The following PCCA variants were observed in gnomAD, a reference collection of about 807,000 sequenced individuals.
PCCA encodes propionyl-CoA carboxylase subunit alpha, also known as propionyl-CoA carboxylase alpha chain, mitochondrial.
PCCA carries 74 observed loss-of-function variants against 101.3 expected under a neutral mutation model. The observed-to-expected ratio is 0.73, with a 90% confidence interval of 0.61 to 0.89. PCCA has a LOEUF of 0.89. Among genes scored for constraint, PCCA ranks in the 40% least tolerant of loss-of-function variants. The pLI is 0.00. For synonymous variants in PCCA, 294 were observed against 313.6 expected (o/e 0.94, Z 0.66); for missense variants, 891 against 907.0 (o/e 0.98, Z 0.23).
chr13:100,513,087 G>C (rs1206303102), intron 21 of PCCA, among the ~76,000 whole-genome samples: 1 of 152,268 alleles, frequency 6.6e-6, no homozygotes, highest in African/African-American at 2.4e-5. Flanking sequence ...GCTGCACCCT[G>C]CTTGGGCCCC....
intron 6 of PCCA, among the ~76,000 whole-genome samples, chr13:100,188,999 G>A (rs1222862715): frequency 6.6e-6 from 1 of 151,968 alleles, no homozygotes; most frequent in Non-Finnish European, 1.5e-5. Flanking sequence ...CAACCCGTCA[G>A]CTACATTAGG....
chr13:100,453,097 C>T (rs2081450456), intron 21 of PCCA, among the ~76,000 whole-genome samples: 1 of 151,982 alleles, frequency 6.6e-6, no homozygotes, highest in Non-Finnish European at 1.5e-5. Flanking sequence ...CCAGGAACAT[C>T]ACTTGAGCCC....
chr13:100,431,585 A>G (rs2152902222), intron 20 of PCCA, among the ~76,000 whole-genome samples: 1 of 152,308 alleles, frequency 6.6e-6, no homozygotes, highest in African/African-American at 2.4e-5. Context: ...TGATTTTTGT[A>G]CACGGTATGA....
intron 20 of PCCA, 34 bp downstream of exon 20, chr13:100,425,765 C>G (rs2079099537): frequency 1.4e-6 from 2 of 1,391,676 alleles, no homozygotes; most frequent in Non-Finnish European, 2.0e-6. Context: ...AGAGGGCCTC[C>G]TCAAGTCCAG....
At position 100,240,800 on chromosome 13, in the gene PCCA, C is replaced by T. The variant is rs558487308; in HGVS notation, c.637+4922C>T. ...AGTAAATTGCACAACCAGTATATGT[C>T]CCATTAAATACTTCAACATGTGTTA... On this transcript the variant is annotated intron_variant, in intron 8 of 23. Transcript: ENST00000376285. 2.6e-5 allele frequency among the ~76,000 whole-genome samples: 4 copies of T among 152,164 alleles called. No homozygotes were observed. In the South Asian group the frequency reaches 8.3e-4, roughly 32 times the overall value.
intron 21 of PCCA, among the ~76,000 whole-genome samples, chr13:100,450,737 T>C (rs1054003740): frequency 6.6e-6 from 1 of 152,224 alleles, no homozygotes; most frequent in African/African-American, 2.4e-5. Context: ...ATATATAATT[T>C]ATGTATATAA....
intron 20 of PCCA, among the ~76,000 whole-genome samples, chr13:100,430,897 G>A (rs1419840610): frequency 6.6e-6 from 1 of 152,090 alleles, no homozygotes; most frequent in Non-Finnish European, 1.5e-5. Context: ...TATTATGCCC[G>A]GCACTGACTG....
chr13:100,456,124 C>T (rs79654047), intron 21 of PCCA, among the ~76,000 whole-genome samples: 16,016 of 152,172 alleles, frequency 0.11, 1,425 homozygotes, highest in African/African-American at 0.24. Context: ...ATTGTTGTTT[C>T]AATTTGCTTT....
At chr13:100,175,276 T>C (rs556384932) in intron 6 of PCCA, among the ~76,000 whole-genome samples, 16 of 152,302 alleles carry the variant, frequency 1.1e-4, no homozygotes, top group African/African-American at 3.1e-4. Flanking sequence ...GATTTTTTTT[T>C]CCCCCAAACC....
intron 6 of PCCA, among the ~76,000 whole-genome samples, chr13:100,171,569 C>T (rs1385101038): frequency 6.6e-6 from 1 of 152,310 alleles, no homozygotes; most frequent in East Asian, 1.9e-4. Context: ...ATTCCTGTTG[C>T]TTACCACTTT....
intron 19 of PCCA, among the ~76,000 whole-genome samples, chr13:100,390,910 C>CT (rs562444985): frequency 7.4e-4 from 112 of 152,172 alleles, no homozygotes; most frequent in Non-Finnish European, 1.3e-3. Context: ...AGGGGATTGA[C>CT]TTTTTAAAGG....
intron 21 of PCCA, among the ~76,000 whole-genome samples, chr13:100,503,927 TC>T (rs1462996655): frequency 6.6e-6 from 1 of 152,188 alleles, no homozygotes; most frequent in Non-Finnish European, 1.5e-5. Flanking sequence ...CTTCAGTGTT[TC>T]ATTTTACCCA....
At chr13:100,189,369 C>T (rs1271275024) in intron 6 of PCCA, among the ~76,000 whole-genome samples, 4 of 152,098 alleles carry the variant, frequency 2.6e-5, no homozygotes, top group Admixed American at 6.6e-5. Flanking sequence ...GTGTGTTTAT[C>T]GTAGAACGAT....
intron 8 of PCCA, among the ~76,000 whole-genome samples, chr13:100,240,820 G>A (rs892577196): frequency 6.6e-6 from 1 of 151,998 alleles, no homozygotes; most frequent in African/African-American, 2.4e-5. Flanking sequence ...ACTTCAACAT[G>A]TGTTATTAAT....
At position 100,425,677 on chromosome 13, in the gene PCCA, C is replaced by T. The variant is rs2079093623; in HGVS notation, c.1791C>T (p.Asn597=). Residue 597 remains asparagine (N), a synonymous_variant, in exon 20 of 24, where the codon AAC becomes AAT. Coordinates refer to ENST00000376285, the MANE Select transcript of PCCA (RefSeq NM_000282.4). ...AACTAAATGTGACCAGCACGTGGAA[C>T]CTGGCTTCGCCCTTATTGTCTGTCA... The part of the protein sequence containing the change: ...GSKLNVTSTW[N]LASPLLSVSV... 1.1e-5 allele frequency: 17 copies of T among 1,614,134 alleles called. No individual in the cohort carries two copies. Among genetic ancestry groups the T allele is most frequent in the Non-Finnish European group, 1.4e-5 (17 of 1,179,952 alleles).
chr13:100,178,218 C>A (rs975044741), intron 6 of PCCA, among the ~76,000 whole-genome samples: 8 of 152,130 alleles, frequency 5.3e-5, no homozygotes, highest in African/African-American at 1.9e-4. Flanking sequence ...GATTTTATTT[C>A]AACTTAAAAC....
intron 4 of PCCA, among the ~76,000 whole-genome samples, chr13:100,140,748 TG>T (rs910510935): frequency 3.2e-4 from 49 of 152,228 alleles, no homozygotes; most frequent in African/African-American, 1.1e-3. Flanking sequence ...ATAGTTGGGG[TG>T]GAGCATGCTT....
At chr13:100,166,108 G>A (rs1029492271) in intron 6 of PCCA, among the ~76,000 whole-genome samples, 3 of 152,078 alleles carry the variant, frequency 2.0e-5, no homozygotes, top group Non-Finnish European at 2.9e-5. Context: ...GTGCTCCTTC[G>A]CTGGCTCTTT....
At chr13:100,435,322 G>A (rs2079848882) in intron 20 of PCCA, among the ~76,000 whole-genome samples, 1 of 152,146 alleles carries the variant, frequency 6.6e-6, no homozygotes, top group Non-Finnish European at 1.5e-5. Context: ...AAACAACCAA[G>A]ATCTACCTCT....
Sources: allele counts gnomAD v4.1 joint callset (sites outside exome capture counted in the v4.1 genomes callset), GRCh38; gene constraint gnomAD v4.1.1; transcripts MANE v1.5; gene names NCBI Gene and HGNC (gene_info 2026-07-23, HGNC 2026-07-21).